NTM: variants seen among roughly 807,000 people sequenced by gnomAD.
NTM encodes the protein IgLON family member 2.
A neutral mutation model predicts 42.1 loss-of-function variants in NTM; 13 were observed. That is an observed-to-expected ratio of 0.31 (90% CI 0.20 to 0.49). NTM has a LOEUF of 0.49. NTM is among the 20% of genes least tolerant of loss of function. NTM has a pLI of 0.99. For synonymous variants in NTM, 187 were observed against 179.2 expected (o/e 1.04, Z -0.35); for missense variants, 373 against 452.8 (o/e 0.82, Z 1.60).
intron 2 of NTM, among the ~76,000 whole-genome samples, chr11:132,108,664 C>T (rs2062739753): frequency 6.6e-6 from 1 of 151,522 alleles, no homozygotes. Flanking sequence ...CACCTGTCCC[C>T]GAAAAACCTA....
chr11:132,185,332 T>C (rs1454294754), intron 3 of NTM, among the ~76,000 whole-genome samples: 1 of 152,170 alleles, frequency 6.6e-6, no homozygotes, highest in Non-Finnish European at 1.5e-5. Flanking sequence ...GCTTTTATGT[T>C]CCCCATAATG....
At chr11:131,549,557 C>A (rs1273554179) in intron 1 of NTM, among the ~76,000 whole-genome samples, 2 of 152,204 alleles carry the variant, frequency 1.3e-5, no homozygotes, top group East Asian at 1.9e-4. Flanking sequence ...TCTTTAATTT[C>A]TCTGGAAAAC....
intron 1 of NTM, among the ~76,000 whole-genome samples, chr11:131,861,222 C>G (rs1012332966): frequency 6.6e-6 from 1 of 152,114 alleles, no homozygotes; most frequent in South Asian, 2.1e-4. Flanking sequence ...CACATCAACA[C>G]CAAAATATTA....
chr11:131,512,812 C>A (rs774368093), intron 1 of NTM, among the ~76,000 whole-genome samples: 4 of 152,196 alleles, frequency 2.6e-5, no homozygotes, highest in Non-Finnish European at 5.9e-5. Context: ...CAGGCAGACC[C>A]CCAGACACCT....
intron 2 of NTM, among the ~76,000 whole-genome samples, chr11:132,127,781 C>G (rs1025044245): frequency 6.6e-6 from 1 of 152,206 alleles, no homozygotes; most frequent in Admixed American, 6.5e-5. Flanking sequence ...AAGCCTCATT[C>G]ATTTTGTTTT....
At chr11:132,334,918 A>G in intron 8 of NTM, 128 bp from the exon 9 acceptor site, 1 of 1,463,328 alleles carries the variant, frequency 6.8e-7, no homozygotes, top group Non-Finnish European at 9.1e-7. Context: ...TGGGGCTGGA[A>G]CACCATGTGT....
At position 131,761,768 on chromosome 11, in the gene NTM, C is replaced by T. The variant is rs183119959; in HGVS notation, c.83-149796C>T. Among the ~76,000 whole-genome samples, 1,240 of 151,860 alleles carry T rather than the reference C, an allele frequency of 8.2e-3. 12 individuals are homozygous for T. Among genetic ancestry groups the T allele is most frequent in the African/African-American group, 0.028 (1,143 of 41,422 alleles). Reference sequence around the variant, plus strand: ...AGGTTGTGGTGAGCAGAGATAGCGCCATTGCACTCCAGCCTGGGCAATAAG... The same window carrying T: ...AGGTTGTGGTGAGCAGAGATAGCGCTATTGCACTCCAGCCTGGGCAATAAG... On this transcript the variant is annotated intron_variant, in intron 1 of 8. Coordinates refer to ENST00000683400, the MANE Select transcript of NTM (RefSeq NM_001352005.2).
At chr11:131,937,420 G>A (rs1033876002) in intron 2 of NTM, among the ~76,000 whole-genome samples, 2 of 152,138 alleles carry the variant, frequency 1.3e-5, no homozygotes, top group African/African-American at 2.4e-5. Flanking sequence ...GTCTCTGGGC[G>A]ATGCATGGGC....
intron 2 of NTM, among the ~76,000 whole-genome samples, chr11:132,134,747 A>ATATATATC (rs2067516885): frequency 2.2e-5 from 2 of 89,678 alleles, no homozygotes; most frequent in African/African-American, 1.1e-4. Context: ...ATATATATAT[A>ATATATATC]TATATATATA....
chr11:131,548,822 C>T (rs2054280627), intron 1 of NTM, among the ~76,000 whole-genome samples: 1 of 152,060 alleles, frequency 6.6e-6, no homozygotes, highest in African/African-American at 2.4e-5. Context: ...CACTATGAAC[C>T]AAATATTTAA....
intron 7 of NTM, among the ~76,000 whole-genome samples, chr11:132,315,414 T>A (rs2095402619): frequency 6.6e-6 from 1 of 152,194 alleles, no homozygotes; most frequent in Admixed American, 6.5e-5. Context: ...TCATGATGGC[T>A]CCATCCCTTG....
chr11:131,788,237 ATCTT>A (rs1176809129), intron 1 of NTM, among the ~76,000 whole-genome samples: 1 of 151,976 alleles, frequency 6.6e-6, no homozygotes, highest in Non-Finnish European at 1.5e-5. Context: ...CAATTTATCT[ATCTT>A]CTTACTGTTA....
At chr11:132,248,022 C>T (rs1344285073) in intron 4 of NTM, among the ~76,000 whole-genome samples, 1 of 150,956 alleles carries the variant, frequency 6.6e-6, no homozygotes, top group Non-Finnish European at 1.5e-5. Context: ...TAAATGGTCA[C>T]AGCCCACAGC....
chr11:132,040,555 C>T (rs1467177441), intron 2 of NTM, among the ~76,000 whole-genome samples: 3 of 152,192 alleles, frequency 2.0e-5, no homozygotes, highest in African/African-American at 7.2e-5. Context: ...TTGATATGAA[C>T]AAATAATTAA....
chr11:131,883,090 C>A (rs1009026401), intron 1 of NTM, among the ~76,000 whole-genome samples: 2 of 152,084 alleles, frequency 1.3e-5, no homozygotes, highest in African/African-American at 4.8e-5. Context: ...TGCTCCGTAG[C>A]CTCACACCCA....
chr11:131,719,968 G>A (rs775076007), intron 1 of NTM, among the ~76,000 whole-genome samples: 5 of 152,172 alleles, frequency 3.3e-5, no homozygotes, highest in Admixed American at 6.5e-5. Context: ...CACTACGTGT[G>A]TATTTTTGCT....
chr11:131,852,901 CCCAT>C (rs201278873), intron 1 of NTM, among the ~76,000 whole-genome samples: 1,803 of 145,444 alleles, frequency 0.012, 43 homozygotes, highest in African/African-American at 0.043. Context: ...CATCCACCCA[CCCAT>C]CCATCCATCC....
intron 1 of NTM, among the ~76,000 whole-genome samples, chr11:131,695,455 A>G (rs1289311371): frequency 2.6e-5 from 4 of 152,208 alleles, no homozygotes; most frequent in Admixed American, 2.0e-4. Flanking sequence ...TGATCCGATG[A>G]GGCACATATT....
chr11:132,091,609 T>G (rs936189150), intron 2 of NTM, among the ~76,000 whole-genome samples: 1 of 150,780 alleles, frequency 6.6e-6, no homozygotes, highest in South Asian at 2.1e-4. Context: ...GCCTCCCGAG[T>G]AGCTGGGGCA....
Sources: allele counts gnomAD v4.1 joint callset (sites outside exome capture counted in the v4.1 genomes callset), GRCh38; gene constraint gnomAD v4.1.1; transcripts MANE v1.5; gene names NCBI Gene and HGNC (gene_info 2026-07-23, HGNC 2026-07-21).